Variants in VAMP7 observed in about 807,000 individuals in gnomAD.
VAMP7 encodes the protein vesicle associated membrane protein 7, also known as vesicle-associated membrane protein 7.
Under a neutral mutation model 29.6 loss-of-function variants are expected in VAMP7, and 14 were observed. The ratio of observed to expected loss-of-function variants is 0.47; its 90% confidence interval spans 0.31 to 0.74. The LOEUF is 0.74. VAMP7 is among the 30% of genes least tolerant of loss of function. The probability of loss-of-function intolerance (pLI) is 0.05; values close to 1 mark genes in which losing one functional copy is unlikely to be tolerated. For missense variants in VAMP7, 223 were observed against 262.4 expected (o/e 0.85, Z 1.04); for synonymous variants, 95 against 88.1 (o/e 1.08, Z -0.44).
At chrX:155,900,648 G>A (rs2066049573) in intron 5 of VAMP7, 61 bp downstream of exon 5, 1 of 1,440,960 alleles carries the variant, frequency 6.9e-7, no homozygotes, top group African/African-American at 1.4e-5. Context: ...ACTTGACTGG[G>A]GTCAAATTAT....
At chrX:155,900,625 A>G (rs1283712007) in intron 5 of VAMP7, 38 bp downstream of exon 5, 3 of 1,537,000 alleles carry the variant, frequency 2.0e-6, no homozygotes, top group Non-Finnish European at 2.7e-6. Context: ...TGTGGGCAAA[A>G]ATGATAAAGA....
chrX:155,938,310 C>T (rs975904123), intron 6 of VAMP7, among the ~76,000 whole-genome samples: 2 of 152,076 alleles, frequency 1.3e-5, no homozygotes, highest in Non-Finnish European at 2.9e-5. Context: ...TGGTATGTGC[C>T]TCCAGGTGGC....
At chrX:155,936,137 T>C (rs1288688100) in intron 6 of VAMP7, among the ~76,000 whole-genome samples, 2 of 152,174 alleles carry the variant, frequency 1.3e-5, no homozygotes, top group East Asian at 1.9e-4. Context: ...GTTAGGCTGC[T>C]TGGGGGTCAG....
intron 6 of VAMP7, among the ~76,000 whole-genome samples, chrX:155,933,482 T>C (rs1350740981): frequency 7.9e-5 from 12 of 152,196 alleles, no homozygotes; most frequent in East Asian, 7.7e-4. Flanking sequence ...TTTTCTAGTT[T>C]ATTTGTGTAG....
chrX:155,900,538 G>C lies in VAMP7; in HGVS notation c.384G>C (p.Glu128Asp). The C allele has an allele frequency of 1.9e-6, 3 of 1,611,100 alleles. No homozygotes were observed. Among genetic ancestry groups the C allele is most frequent in the Non-Finnish European group, 2.5e-6 (3 of 1,178,332 alleles). Residue 128 changes from glutamate (E) to aspartate (D), a missense_variant, in exon 5 of 8, where the codon GAG (glutamate) becomes GAC (aspartate). By Grantham distance (45) the Glu-to-Asp change is conservative (BLOSUM62 2). Transcript: ENST00000286448. ...ATAAGGGCCTAGACAAAGTGATGGA[G>C]ACTCAAGCCCAAGTGGATGAACTGA... ...SENKGLDKVM[E>D]TQAQVDELKG...
intron 5 of VAMP7, among the ~76,000 whole-genome samples, chrX:155,909,669 T>C (rs918399738): frequency 2.0e-5 from 3 of 152,176 alleles, no homozygotes; most frequent in Admixed American, 6.5e-5. Context: ...TTTCTCACAT[T>C]TCTGGAGGCT....
chrX:155,914,892 G>A (rs1211818459), intron 5 of VAMP7, among the ~76,000 whole-genome samples: 4 of 152,140 alleles, frequency 2.6e-5, no homozygotes, highest in Non-Finnish European at 5.9e-5. Flanking sequence ...GAGTTAGGGA[G>A]GAGTCCCTCT....
chrX:155,916,062 A>G (rs769476407), intron 5 of VAMP7, among the ~76,000 whole-genome samples: 1 of 152,330 alleles, frequency 6.6e-6, no homozygotes, highest in South Asian at 2.1e-4. Context: ...ATATATATTT[A>G]GGATAGTTAG....
Position 155,941,985 on chromosome X carries a change from G to A in VAMP7, c.*34G>A, listed in dbSNP as rs2066751143. 3 of 1,613,654 alleles carry A rather than the reference G, an allele frequency of 1.9e-6. No individual in the cohort carries two copies. Among genetic ancestry groups the A allele is most frequent in the South Asian group, 1.1e-5 (1 of 91,044 alleles). ...AAGTTACCATTAACCAAGGATATGAGAGAACAAGGAGTTAAAAGCAATCCA... is the reference window on the plus strand; with the variant it reads ...AAGTTACCATTAACCAAGGATATGAAAGAACAAGGAGTTAAAAGCAATCCA... On this transcript the variant is annotated 3_prime_UTR_variant, in exon 8 of 8. Transcript: ENST00000286448.
At chrX:155,929,285 A>G (rs1239928954) in intron 6 of VAMP7, among the ~76,000 whole-genome samples, 1 of 152,196 alleles carries the variant, frequency 6.6e-6, no homozygotes, top group Non-Finnish European at 1.5e-5. Flanking sequence ...AGGTTTTTAA[A>G]GGAAAAAAGG....
intron 6 of VAMP7, among the ~76,000 whole-genome samples, chrX:155,931,195 G>C (rs1878474884): frequency 6.6e-6 from 1 of 152,180 alleles, no homozygotes; most frequent in African/African-American, 2.4e-5. Context: ...CTTGATAGCA[G>C]CATGATTTAT....
chrX:155,889,688 G>A (rs2065904529), intron 2 of VAMP7, 76 bp downstream of exon 2: 6 of 1,492,124 alleles, frequency 4.0e-6, no homozygotes, highest in Non-Finnish European at 5.4e-6. Context: ...TAGAAAAGTA[G>A]AAAACAAGCT....
chrX:155,939,478 A>G (rs1001251706), intron 6 of VAMP7, among the ~76,000 whole-genome samples: 10 of 152,198 alleles, frequency 6.6e-5, no homozygotes, highest in African/African-American at 2.2e-4. Flanking sequence ...GCAGTGGAGA[A>G]GAAAAAAGAG....
chrX:155,884,686 C>T (rs1459773054), intron 1 of VAMP7, among the ~76,000 whole-genome samples: 2 of 152,150 alleles, frequency 1.3e-5, no homozygotes, highest in Non-Finnish European at 2.9e-5. Flanking sequence ...GAATTGTGTG[C>T]CATTGCTCGT....
chrX:155,935,245 C>T (rs759883861), intron 6 of VAMP7, among the ~76,000 whole-genome samples: 11 of 152,138 alleles, frequency 7.2e-5, no homozygotes, highest in African/African-American at 2.7e-4. Flanking sequence ...GAATGTTGGC[C>T]TGCCTTGCTA....
intron 1 of VAMP7, among the ~76,000 whole-genome samples, chrX:155,888,437 T>C (rs905508095): frequency 1.3e-5 from 2 of 152,218 alleles, no homozygotes; most frequent in African/African-American, 2.4e-5. Flanking sequence ...TGATTCGTAT[T>C]CCCACTACAG....
chrX:155,927,802 C>T, intron 6 of VAMP7, among the ~76,000 whole-genome samples: 1 of 146,842 alleles, frequency 6.8e-6, no homozygotes, highest in Non-Finnish European at 1.5e-5. Flanking sequence ...TTTAAAAATG[C>T]CATTCCATTT....
At chrX:155,927,059 G>T (rs1412441463) in intron 6 of VAMP7, among the ~76,000 whole-genome samples, 2 of 152,188 alleles carry the variant, frequency 1.3e-5, no homozygotes, top group Middle Eastern at 3.4e-3. Context: ...TGAAAATAAT[G>T]AAAAGTTTGA....
chrX:155,933,540 G>C (rs1291994608), intron 6 of VAMP7, among the ~76,000 whole-genome samples: 1 of 152,076 alleles, frequency 6.6e-6, no homozygotes, highest in Non-Finnish European at 1.5e-5. Flanking sequence ...CTGTGGGATC[G>C]GTGGTGATAT....
Sources: gnomAD v4.1 joint callset for allele counts (sites outside exome capture counted in the v4.1 genomes callset) on GRCh38, gnomAD v4.1.1 for gene constraint, MANE v1.5 for transcripts, NCBI Gene and HGNC (gene_info 2026-07-23, HGNC 2026-07-21) for gene names.